Variants in NELL1 observed in about 807,000 individuals in gnomAD.
NELL1 encodes the protein protein kinase C-binding protein NELL1.
In NELL1, 76 loss-of-function variants were observed where a neutral mutation model predicts 107.4. The ratio of observed to expected loss-of-function variants is 0.71; its 90% CI spans 0.59 to 0.86. The LOEUF is 0.86. NELL1 is among the 40% of genes least tolerant of loss of function. The pLI, the probability that NELL1 is intolerant of heterozygous loss-of-function variation, is 0.00. For synonymous variants in NELL1, 353 were observed against 341.2 expected, an observed-to-expected ratio of 1.03 and a Z score of -0.38; for missense variants, 1,024 against 1,005.5, an observed-to-expected ratio of 1.02 and a Z score of -0.25.
intron 3 of NELL1, among the ~76,000 whole-genome samples, chr11:20,818,363 G>A (rs1221353446): frequency 6.8e-6 from 1 of 147,992 alleles, no homozygotes; most frequent in Non-Finnish European, 1.5e-5. Flanking sequence ...TAATGTGGTT[G>A]GTTTGAAGTC....
chr11:20,966,419 A>T (rs1047799529), intron 12 of NELL1, among the ~76,000 whole-genome samples: 11 of 152,140 alleles, frequency 7.2e-5, no homozygotes, highest in African/African-American at 2.4e-4. Context: ...AAACATTCAA[A>T]CCATAGTAGA....
chr11:21,508,063 T>C (rs10741882), intron 15 of NELL1, among the ~76,000 whole-genome samples: 87,741 of 151,882 alleles, frequency 0.58, 25,821 homozygotes, highest in East Asian at 0.76. Flanking sequence ...GGATTACAGG[T>C]GTGAGCTACC....
intron 15 of NELL1, among the ~76,000 whole-genome samples, chr11:21,522,618 T>C (rs989101967): frequency 7.9e-5 from 12 of 152,028 alleles, no homozygotes; most frequent in African/African-American, 2.9e-4. Context: ...TGGGTACATG[T>C]ACATCCCGTG....
chr11:21,112,040 CTG>C (rs1268540775), intron 12 of NELL1, among the ~76,000 whole-genome samples: 1 of 151,346 alleles, frequency 6.6e-6, no homozygotes, highest in Non-Finnish European at 1.5e-5. Context: ...AGTGGTCTGA[CTG>C]TAATAATTCC....
At chr11:21,417,986 A>G (rs1398430605) in intron 15 of NELL1, among the ~76,000 whole-genome samples, 2 of 152,110 alleles carry the variant, frequency 1.3e-5, no homozygotes, top group African/African-American at 4.8e-5. Context: ...TGTCCCAAGC[A>G]CTATGCAAAT....
chr11:21,573,400 T>A lies in NELL1; in HGVS notation c.2373T>A (p.Cys791Ter). ...TGGCTGGATCTCCCTGCACAACCTG[T>A]AAATGCAAGGTAATTGGATGTTCTG... ...WTMAGSPCTT[C>*]KCKNGRVCCS... The change falls in exon 19 of 20, where the codon TGT becomes TGA. Residue 791 changes from cysteine to a stop codon, truncating the protein, a stop_gained. Transcript: ENST00000357134. LOFTEE classifies it high-confidence loss of function. 1 of 1,611,328 alleles carries A rather than the reference T, an allele frequency of 6.2e-7. No individual in the cohort carries two copies. The highest frequency in any genetic ancestry group is 8.5e-7 in the Non-Finnish European group (1 of 1,178,484).
chr11:20,882,751 A>G (rs1438328631), intron 4 of NELL1, among the ~76,000 whole-genome samples: 2 of 152,046 alleles, frequency 1.3e-5, no homozygotes, highest in East Asian at 1.9e-4. Context: ...AATTTTCCCA[A>G]TTTTCCCAAT....
At chr11:20,723,582 C>T (rs1482603276) in intron 2 of NELL1, among the ~76,000 whole-genome samples, 2 of 152,140 alleles carry the variant, frequency 1.3e-5, no homozygotes, top group Non-Finnish European at 2.9e-5. Flanking sequence ...GGGTACAGCC[C>T]CCAGAGCTGC....
intron 4 of NELL1, among the ~76,000 whole-genome samples, chr11:20,859,962 A>T (rs1301985325): frequency 6.6e-6 from 1 of 152,226 alleles, no homozygotes; most frequent in Non-Finnish European, 1.5e-5. Flanking sequence ...GCCTCTGATA[A>T]GCTTTAGGAT....
At chr11:21,274,649 GT>G (rs1848814557) in intron 14 of NELL1, among the ~76,000 whole-genome samples, 1 of 152,166 alleles carries the variant, frequency 6.6e-6, no homozygotes, top group Admixed American at 6.5e-5. Flanking sequence ...TTAGTTGGAA[GT>G]AAAGCACTCC....
chr11:20,889,248 A>G (rs537905681), intron 5 of NELL1, among the ~76,000 whole-genome samples: 1 of 152,368 alleles, frequency 6.6e-6, no homozygotes, highest in East Asian at 1.9e-4. Flanking sequence ...AGCCAGTGAC[A>G]AAACACAAAT....
intron 3 of NELL1, among the ~76,000 whole-genome samples, chr11:20,790,170 AC>A (rs1857045860): frequency 6.6e-6 from 1 of 152,158 alleles, no homozygotes; most frequent in African/African-American, 2.4e-5. Flanking sequence ...GGAGCCAGCC[AC>A]TTCCACCCAG....
intron 16 of NELL1, among the ~76,000 whole-genome samples, chr11:21,555,120 C>CTGGCATAGAGTAGATGTTAA (rs1049062695): frequency 1.3e-5 from 2 of 151,822 alleles, no homozygotes; most frequent in African/African-American, 2.4e-5. Flanking sequence ...AGCAGTGTAT[C>CTGGCATAGAGTAGATGTTAA]TGGCATAGAG....
intron 2 of NELL1, among the ~76,000 whole-genome samples, chr11:20,729,610 T>G (rs552038888): frequency 3.3e-5 from 5 of 152,234 alleles, no homozygotes; most frequent in African/African-American, 1.2e-4. Flanking sequence ...ATTTATTAAT[T>G]TGAATATGTT....
At chr11:20,930,087 G>A (rs1375307579) in intron 9 of NELL1, among the ~76,000 whole-genome samples, 1 of 151,970 alleles carries the variant, frequency 6.6e-6, no homozygotes, top group Non-Finnish European at 1.5e-5. Context: ...CTTGAAAGTT[G>A]TTGTTTGGAC....
At chr11:21,192,387 A>T (rs1393514936) in intron 13 of NELL1, among the ~76,000 whole-genome samples, 2 of 151,830 alleles carry the variant, frequency 1.3e-5, no homozygotes, top group Non-Finnish European at 2.9e-5. Flanking sequence ...TTTATCATTA[A>T]TTTTGATTGA....
chr11:20,824,230 C>A (rs1468408763), intron 3 of NELL1, among the ~76,000 whole-genome samples: 1 of 151,264 alleles, frequency 6.6e-6, no homozygotes, highest in Non-Finnish European at 1.5e-5. Flanking sequence ...GCTTCTCCTT[C>A]TGCCATGAAT....
At chr11:21,371,961 G>A (rs980377032) in intron 15 of NELL1, among the ~76,000 whole-genome samples, 9 of 151,918 alleles carry the variant, frequency 5.9e-5, no homozygotes, top group Non-Finnish European at 1.0e-4. Flanking sequence ...TGCACTGCCT[G>A]TATATTTATG....
At chr11:21,175,753 G>A (rs1379861292) in intron 13 of NELL1, among the ~76,000 whole-genome samples, 2 of 151,822 alleles carry the variant, frequency 1.3e-5, no homozygotes, top group African/African-American at 4.9e-5. Flanking sequence ...TCAAAACAAC[G>A]ATGTTTTGTC....
Sources: gnomAD v4.1 joint callset for allele counts (sites outside exome capture counted in the v4.1 genomes callset) on GRCh38, gnomAD v4.1.1 for gene constraint, MANE v1.5 for transcripts, NCBI Gene and HGNC (gene_info 2026-07-23, HGNC 2026-07-21) for gene names.